The following TOPBP1 variants were observed in gnomAD, a reference collection of about 807,000 sequenced individuals.
TOPBP1 encodes DNA topoisomerase II binding protein 1, also known as DNA topoisomerase 2-binding protein 1.
In TOPBP1, 28 loss-of-function variants were observed where a neutral mutation model predicts 167.7. That is an observed-to-expected ratio of 0.17 (90% confidence interval 0.12 to 0.23). The LOEUF is 0.23. TOPBP1 is among the 10% of genes least tolerant of loss of function. The pLI is 1.00. For synonymous variants in TOPBP1, 598 were observed against 611.4 expected (o/e 0.98, Z 0.32); for missense variants, 1,554 against 1,809.6 (o/e 0.86, Z 2.56).
chr3:133,651,469 C>T (rs907098646), intron 8 of TOPBP1, among the ~76,000 whole-genome samples: 3 of 152,052 alleles, frequency 2.0e-5, no homozygotes, highest in Non-Finnish European at 4.4e-5. Flanking sequence ...GGATTACAGG[C>T]ATGAGCCACC....
intron 3 of TOPBP1, among the ~76,000 whole-genome samples, chr3:133,658,478 A>G (rs80312549): frequency 0.14 from 21,830 of 151,876 alleles, 1,897 homozygotes; most frequent in Non-Finnish European, 0.2. Context: ...AAAGAAAAAA[A>G]AAAAGAAAAG....
chr3:133,637,365 C>T (rs1289126368), intron 14 of TOPBP1, among the ~76,000 whole-genome samples: 3 of 152,098 alleles, frequency 2.0e-5, no homozygotes, highest in Admixed American at 6.5e-5. Context: ...ACAATGCTCA[C>T]GAGATCAAAC....
At chr3:133,636,340 C>T (rs1011418193) in intron 14 of TOPBP1, among the ~76,000 whole-genome samples, 3 of 151,824 alleles carry the variant, frequency 2.0e-5, no homozygotes, top group African/African-American at 7.3e-5. Flanking sequence ...ATTCCATGGG[C>T]CCTTTCATGT....
At chr3:133,639,408 C>A (rs1421814814) in intron 13 of TOPBP1, among the ~76,000 whole-genome samples, 1 of 151,844 alleles carries the variant, frequency 6.6e-6, no homozygotes, top group Non-Finnish European at 1.5e-5. Flanking sequence ...GGGAATTGAA[C>A]AGACACAGGG....
chr3:133,639,273 A>G (rs956265572), intron 13 of TOPBP1, among the ~76,000 whole-genome samples: 5 of 152,194 alleles, frequency 3.3e-5, no homozygotes, highest in Non-Finnish European at 7.3e-5. Flanking sequence ...ATGGAATACT[A>G]TGCAGCCAGA....
At position 133,605,013 on chromosome 3, in the gene TOPBP1, G is replaced by A. The variant is rs532727450; in HGVS notation, c.4425+3522C>T. ...AAGCCGTGGGGATCACTTAAGCCCA[G>A]CATGGTGAAACCCCGTCTCTACCAA... is the stretch of plus-strand genomic sequence containing the variant. On this transcript the variant is annotated intron_variant, in intron 27 of 27. Transcript: ENST00000260810. Among the ~76,000 whole-genome samples the A allele has an allele frequency of 4.0e-5, 6 of 151,782 alleles. No individual in the cohort carries two copies. The East Asian group carries it at 1.2e-3, about 29-fold the overall frequency.
chr3:133,655,754 T>C (rs1389471359), intron 5 of TOPBP1, among the ~76,000 whole-genome samples: 1 of 152,316 alleles, frequency 6.6e-6, no homozygotes, highest in East Asian at 1.9e-4. Context: ...TTGCTGGTCA[T>C]AGTATATTTT....
chr3:133,608,810 C>T lies in TOPBP1; in HGVS notation c.4263+63G>A, dbSNP rs1271794339. 9.5e-6 allele frequency: 15 copies of T among 1,571,520 alleles called. No homozygotes were observed. The Admixed American group carries it at 2.8e-4, about 29-fold the overall frequency. ...AAAGTAGAGAAAATGAAGAACTCATCATAGCAATCTTGGTTAGATGATTAT... is the reference window on the plus strand; with the variant it reads ...AAAGTAGAGAAAATGAAGAACTCATTATAGCAATCTTGGTTAGATGATTAT... On this transcript the variant is annotated intron_variant, in intron 26 of 27. Coordinates refer to ENST00000260810, the MANE Select transcript of TOPBP1 (RefSeq NM_007027.4).
In TOPBP1 at chr3:133,659,062, T is replaced by A. The variant is rs1330457766; in HGVS notation, c.173A>T (p.Tyr58Phe). ...LKIKENDRSLYICDPFSGVVF... is the reference protein window; with the variant it reads ...LKIKENDRSLFICDPFSGVVF... ...AACGCCACTAAAAGGGTCACAGATA[T>A]AAAGTGATCTATCATTCTCCTTTAT... The change falls in exon 3 of 28, where the codon TAT becomes TTT. Residue 58 changes from tyrosine to phenylalanine, a missense_variant. Physicochemically the swap from Tyr to Phe is conservative, Grantham distance 22 (BLOSUM62 3). This residue lies in a region of TOPBP1 where 1,197 missense variants were observed against 1,351.5 expected (regional missense o/e 0.89). Coordinates refer to ENST00000260810, the MANE Select transcript of TOPBP1 (RefSeq NM_007027.4). 8 of 1,597,236 alleles carry A rather than the reference T, an allele frequency of 5.0e-6. No individual in the cohort carries two copies. Among genetic ancestry groups the A allele is most frequent in the Non-Finnish European group, 6.8e-6 (8 of 1,171,560 alleles).
Position 133,616,883 on chromosome 3 carries a change from ACT to A in TOPBP1, c.3800_3801del (p.Gln1267LeufsTer15). On this transcript the variant is annotated frameshift_variant, in exon 23 of 28. Transcript: ENST00000260810. LOFTEE classifies it high-confidence loss of function. The part of the protein sequence containing the change: ...IEETHEELKK[Q>X]YIFQLSSLNP... ...TTCAGAGATGATAACTGAAATATGT[ACT>A]GTTTTTTTAATTCTTCATGAGTCTC... 1 of 1,552,744 alleles carries A rather than the reference ACT, an allele frequency of 6.4e-7. No individual in the cohort carries two copies. The highest frequency in any genetic ancestry group is 8.7e-7 in the Non-Finnish European group (1 of 1,152,044).
In TOPBP1 at chr3:133,637,947, A is replaced by T. The variant is rs1294582946; in HGVS notation, c.2449T>A (p.Ser817Thr). The T allele has an allele frequency of 6.8e-6, 11 of 1,613,856 alleles. No individual in the cohort carries two copies. The highest frequency in any genetic ancestry group is 9.3e-6 in the Non-Finnish European group (11 of 1,179,876). Residue 817 changes from serine to threonine, a missense_variant, in exon 14 of 28, where the codon TCG (serine) becomes ACG (threonine). Physicochemically the swap from Ser to Thr is moderately conservative, Grantham distance 58. Coordinates refer to ENST00000260810, the MANE Select transcript of TOPBP1 (RefSeq NM_007027.4). ...TTTGATGGTGTATCCAGGTGTAACG[A>T]GGGCTCCTTCTGAAGTGGTTGTCCT... ...AVGQPLQKEP[S>T]LHLDTPSKFL...
chr3:133,646,141 A>G (rs1936066148), intron 10 of TOPBP1, among the ~76,000 whole-genome samples: 1 of 151,930 alleles, frequency 6.6e-6, no homozygotes, highest in Non-Finnish European at 1.5e-5. Flanking sequence ...GCAAGACTGC[A>G]TCTCAAAAAA....
At chr3:133,615,554 T>C (rs962414343) in intron 23 of TOPBP1, among the ~76,000 whole-genome samples, 6 of 152,186 alleles carry the variant, frequency 3.9e-5, no homozygotes, top group African/African-American at 1.2e-4. Flanking sequence ...TTAACTTCTC[T>C]TACTATAGTT....
chr3:133,610,448 A>G (rs1934635372), intron 25 of TOPBP1, among the ~76,000 whole-genome samples: 1 of 151,980 alleles, frequency 6.6e-6, no homozygotes, highest in African/African-American at 2.4e-5. Context: ...AATAATATAA[A>G]TAACTAAAGT....
At position 133,637,940 on chromosome 3, in the gene TOPBP1, T is replaced by A. The variant is rs1469411530; in HGVS notation, c.2456A>T (p.His819Leu). The part of the protein sequence containing the change: ...GQPLQKEPSL[H>L]LDTPSKFLSK... ...CAGGAATTTTGATGGTGTATCCAGG[T>A]GTAACGAGGGCTCCTTCTGAAGTGG... The change falls in exon 14 of 28, where the codon CAC (histidine) becomes CTC (leucine). Residue 819 changes from histidine (H) to leucine (L), a missense_variant. His to Leu is a moderately conservative substitution (Grantham distance 99, BLOSUM62 -3). This residue lies in a region of TOPBP1 where 1,197 missense variants were observed against 1,351.5 expected (regional missense o/e 0.89). Transcript: ENST00000260810. The A allele has an allele frequency of 6.2e-7, 1 of 1,613,854 alleles. No individual in the cohort carries two copies. Among genetic ancestry groups the A allele is most frequent in the South Asian group, 1.1e-5 (1 of 91,090 alleles).
chr3:133,622,170 T>C lies in TOPBP1; in HGVS notation c.3178+921A>G, dbSNP rs193018521. ...TCAGCGTATGAAATAGCATGTATAG[T>C]AGTCCACCATTTATGTTTTTTTTTT... is the stretch of plus-strand genomic sequence containing the variant. On this transcript the variant is annotated intron_variant, in intron 19 of 27. Coordinates refer to ENST00000260810, the MANE Select transcript of TOPBP1 (RefSeq NM_007027.4). 1.5e-3 allele frequency among the ~76,000 whole-genome samples: 222 copies of C among 148,414 alleles called. 1 individual carries two copies. Among genetic ancestry groups the C allele is most frequent in the Non-Finnish European group, 8.3e-4 (56 of 67,470 alleles).
rs781158128 is a variant in TOPBP1, at chr3:133,644,350, C to T, written c.1518G>A (p.Thr506=). ...AATCATTAAAGGGCCTGGCTTCAGACGTCTTAGCCTCAACTGAAAGAGAAA... is the reference window on the plus strand; with the variant it reads ...AATCATTAAAGGGCCTGGCTTCAGATGTCTTAGCCTCAACTGAAAGAGAAA... The part of the protein sequence containing the change: ...NGSSTVVEAK[T]SEARPFNDST... Residue 506 remains threonine, a synonymous_variant, in exon 11 of 28, where the codon ACG becomes ACA. Transcript: ENST00000260810. The T allele has an allele frequency of 7.0e-6, 11 of 1,567,514 alleles. No individual in the cohort carries two copies. The highest frequency in any genetic ancestry group is 4.8e-5 in the South Asian group (4 of 84,116).
Position 133,615,267 on chromosome 3 carries a change from C to G in TOPBP1, c.3871+1547G>C, listed in dbSNP as rs151295715. On this transcript the variant is annotated intron_variant, in intron 23 of 27. Transcript: ENST00000260810. ...GGTGGATCATCTGAGGTCAGCAGTT[C>G]GAGACCAGCCTGGCCAACATGGTGA... 2.5e-3 allele frequency among the ~76,000 whole-genome samples: 384 copies of G among 152,106 alleles called. 1 individual carries two copies. Among genetic ancestry groups the G allele is most frequent in the Admixed American group, 4.6e-3 (71 of 15,284 alleles).
chr3:133,618,101 T>A (rs1934958782), intron 21 of TOPBP1, 112 bp downstream of exon 21: 9 of 864,870 alleles, frequency 1.0e-5, no homozygotes, highest in Non-Finnish European at 1.6e-5. Context: ...ATCTACGAAG[T>A]TTTTTTTGTT....
Sources: allele counts gnomAD v4.1 joint callset (sites outside exome capture counted in the v4.1 genomes callset), GRCh38; gene constraint gnomAD v4.1.1; regional missense constraint gnomAD v4.1.1; transcripts MANE v1.5; gene names NCBI Gene and HGNC (gene_info 2026-07-23, HGNC 2026-07-21).